Variants in DPH6 observed in about 807,000 individuals in gnomAD.
DPH6 encodes diphthamine biosynthesis 6, also known as diphthine--ammonia ligase.
In DPH6, 33 loss-of-function variants were observed where a neutral mutation model predicts 38.2. The observed-to-expected ratio is 0.86, with a 90% CI of 0.65 to 1.15. DPH6 has a LOEUF of 1.15. DPH6 is among the 50% of genes most tolerant of loss of function. The pLI, the probability that DPH6 is intolerant of heterozygous loss-of-function variation, is 0.00. For missense variants in DPH6, 325 were observed against 320.0 expected (o/e 1.02, Z -0.12); for synonymous variants, 108 against 103.0 (o/e 1.05, Z -0.30).
At chr15:35,450,869 A>G in intron 4 of DPH6, 66 bp from the exon 5 acceptor site, 1 of 1,256,078 alleles carries the variant, frequency 8.0e-7, no homozygotes, top group Non-Finnish European at 1.1e-6. Flanking sequence ...ATCCACAGCA[A>G]TTACTTTGAT....
the DPH6 span, among the ~76,000 whole-genome samples, chr15:35,146,080 TGTG>T: frequency 1.0e-5 from 1 of 97,276 alleles, no homozygotes; most frequent in African/African-American, 2.9e-5. Context: ...TGTGTGTGTG[TGTG>T]TGTGTGTGTG....
intron 3 of DPH6, among the ~76,000 whole-genome samples, chr15:35,507,301 T>C (rs1361974359): frequency 6.6e-6 from 1 of 152,008 alleles, no homozygotes; most frequent in East Asian, 1.9e-4. Flanking sequence ...TTAAGCAAAA[T>C]ACTATAATAT....
chr15:35,146,659 C>T, the DPH6 span, among the ~76,000 whole-genome samples: 1 of 152,030 alleles, frequency 6.6e-6, no homozygotes, highest in Non-Finnish European at 1.5e-5. Flanking sequence ...TGCCGTATTG[C>T]AGAAGTAGCA....
chr15:35,288,069 A>T (rs2051955359), intron 3 of DPH6, among the ~76,000 whole-genome samples: 1 of 152,176 alleles, frequency 6.6e-6, no homozygotes, highest in Non-Finnish European at 1.5e-5. Context: ...TGAATTCTAT[A>T]TGCCCATTTC....
chr15:35,512,334 T>C (rs1175955470), intron 3 of DPH6, among the ~76,000 whole-genome samples: 1 of 152,092 alleles, frequency 6.6e-6, no homozygotes, highest in East Asian at 1.9e-4. Flanking sequence ...TGTGGCTAGT[T>C]GGAAAACAGA....
intron 3 of DPH6, among the ~76,000 whole-genome samples, chr15:35,352,299 C>CT (rs1410725300): frequency 1.3e-5 from 2 of 151,798 alleles, no homozygotes; most frequent in Admixed American, 6.6e-5. Context: ...TTTTATTATA[C>CT]TTTAAGTTTT....
chr15:35,231,067 G>A (rs1188894653), intron 3 of DPH6, among the ~76,000 whole-genome samples: 2 of 152,094 alleles, frequency 1.3e-5, no homozygotes, highest in East Asian at 1.9e-4. Context: ...GGCTCATTTC[G>A]GCACTAGGAC....
At chr15:35,483,893 C>T (rs550707464) in intron 3 of DPH6, among the ~76,000 whole-genome samples, 9 of 152,168 alleles carry the variant, frequency 5.9e-5, no homozygotes, top group African/African-American at 1.9e-4. Context: ...CGTGAATGAA[C>T]CTCAAAAACA....
intron 3 of DPH6, among the ~76,000 whole-genome samples, chr15:35,534,813 T>G (rs2141547229): frequency 6.6e-6 from 1 of 152,332 alleles, no homozygotes; most frequent in Middle Eastern, 3.4e-3. Flanking sequence ...CAATATTTTG[T>G]GTATCAGATT....
intron 3 of DPH6, among the ~76,000 whole-genome samples, chr15:35,496,567 A>AAAAAAAAAAAAAAAAAATATATAT: frequency 9.7e-5 from 3 of 31,014 alleles, no homozygotes; most frequent in African/African-American, 4.1e-4. Context: ...AAAAAAAAAA[A>AAAAAAAAAAAAAAAAAATATATAT]ATATATATAT....
the DPH6 span, among the ~76,000 whole-genome samples, chr15:35,173,653 T>C: frequency 6.6e-6 from 1 of 152,272 alleles, no homozygotes; most frequent in African/African-American, 2.4e-5. Flanking sequence ...GAGTCTGTCC[T>C]GTATCTACTT....
chr15:35,373,663 C>T, intron 7 of DPH6, 55 bp from the exon 8 acceptor site: 1 of 1,438,294 alleles, frequency 7.0e-7, no homozygotes, highest in Non-Finnish European at 9.7e-7. Flanking sequence ...TGTGACAAAT[C>T]ATTCCTCCTA....
intron 5 of DPH6, among the ~76,000 whole-genome samples, chr15:35,443,097 C>A (rs2053808722): frequency 6.6e-6 from 1 of 152,094 alleles, no homozygotes; most frequent in African/African-American, 2.4e-5. Flanking sequence ...GCTATATGCT[C>A]AGACAATACA....
intron 3 of DPH6, among the ~76,000 whole-genome samples, chr15:35,308,187 T>C (rs2052109465): frequency 6.6e-6 from 1 of 152,142 alleles, no homozygotes; most frequent in Non-Finnish European, 1.5e-5. Flanking sequence ...GAGAATCACC[T>C]GAGCCCAGGA....
the DPH6 span, among the ~76,000 whole-genome samples, chr15:35,174,085 C>T: frequency 6.6e-6 from 1 of 152,162 alleles, no homozygotes; most frequent in African/African-American, 2.4e-5. Context: ...TTCTCTCTTC[C>T]TCCCTAGATA....
At chr15:35,340,313 G>A (rs1443609318) in intron 3 of DPH6, among the ~76,000 whole-genome samples, 1 of 152,082 alleles carries the variant, frequency 6.6e-6, no homozygotes, top group African/African-American at 2.4e-5. Flanking sequence ...CACATTGATG[G>A]GTCTTGGCTG....
intron 1 of DPH6, among the ~76,000 whole-genome samples, chr15:35,542,828 T>G (rs2141571873): frequency 6.9e-6 from 1 of 145,718 alleles, no homozygotes; most frequent in South Asian, 2.1e-4. Flanking sequence ...ACATCCCAGC[T>G]AAACATTTAT....
At position 35,459,367 on chromosome 15, in the gene DPH6, G is replaced by T. The variant is rs114129303; in HGVS notation, c.313-4547C>A. ...ACAAGGATACTAATTCTATCATGAG[G>T]GCCTCACTTTCATAACCTCATCTAA... On this transcript the variant is annotated intron_variant, in intron 3 of 8. Coordinates refer to ENST00000256538, the MANE Select transcript of DPH6 (RefSeq NM_080650.4). Among the ~76,000 whole-genome samples the T allele has an allele frequency of 5.7e-3, 865 of 152,154 alleles. 5 individuals carry two copies. The highest frequency in any genetic ancestry group is 0.02 in the African/African-American group (816 of 41,494).
the DPH6 span, among the ~76,000 whole-genome samples, chr15:35,179,655 T>C: frequency 0.21 from 32,225 of 152,106 alleles, 4,376 homozygotes; most frequent in East Asian, 0.68. Context: ...ATATTACCTG[T>C]TGTGAAGAAA....
Sources: gnomAD v4.1 joint callset for allele counts (sites outside exome capture counted in the v4.1 genomes callset) on GRCh38, gnomAD v4.1.1 for gene constraint, MANE v1.5 for transcripts, NCBI Gene and HGNC (gene_info 2026-07-23, HGNC 2026-07-21) for gene names.